Variants in PIEZO2 observed in about 807,000 individuals in gnomAD.
The protein encoded by PIEZO2 is piezo-type mechanosensitive ion channel component 2.
In PIEZO2, 172 loss-of-function variants were observed where a neutral mutation model predicts 337.3. That is an observed-to-expected ratio of 0.51 (90% CI 0.45 to 0.58). PIEZO2 has a LOEUF of 0.58. PIEZO2 is among the 20% of genes least tolerant of loss of function. The probability of loss-of-function intolerance (pLI) is 0.00; values close to 1 mark genes in which losing one functional copy is unlikely to be tolerated. For missense variants in PIEZO2, 3,028 were observed against 3,391.3 expected, an observed-to-expected ratio of 0.89 and a Z score of 2.66; for synonymous variants, 1,251 against 1,228.5, an observed-to-expected ratio of 1.02 and a Z score of -0.38.
chr18:10,741,899 A>G (rs2144160909), intron 32 of PIEZO2, among the ~76,000 whole-genome samples: 1 of 152,290 alleles, frequency 6.6e-6, no homozygotes, highest in Admixed American at 6.5e-5. Context: ...CACGCCTGTA[A>G]TCCCAGCACT....
At chr18:10,782,250 T>C (rs1191620543) in intron 17 of PIEZO2, among the ~76,000 whole-genome samples, 1 of 115,220 alleles carries the variant, frequency 8.7e-6, no homozygotes, top group Non-Finnish European at 1.7e-5. Context: ...TATTATATGA[T>C]ATATTATATT....
intron 35 of PIEZO2, among the ~76,000 whole-genome samples, chr18:10,733,774 C>T (rs976904102): frequency 2.0e-5 from 3 of 152,184 alleles, no homozygotes; most frequent in African/African-American, 4.8e-5. Flanking sequence ...TACTTTGCAC[C>T]TGCACCTGTC....
chr18:10,719,517 C>T (rs1598396668), intron 36 of PIEZO2, among the ~76,000 whole-genome samples: 1 of 152,286 alleles, frequency 6.6e-6, no homozygotes, highest in South Asian at 2.1e-4. Flanking sequence ...CTGCAGAAGA[C>T]ATGATTTCAT....
At chr18:10,703,928 T>C (rs913508658) in intron 42 of PIEZO2, among the ~76,000 whole-genome samples, 2 of 152,202 alleles carry the variant, frequency 1.3e-5, no homozygotes, top group Non-Finnish European at 2.9e-5. Context: ...TCAAACTATG[T>C]CCAAAGTGCC....
intron 13 of PIEZO2, among the ~76,000 whole-genome samples, chr18:10,793,224 C>A (rs548139452): frequency 1.9e-4 from 29 of 152,050 alleles, no homozygotes; most frequent in South Asian, 4.2e-4. Flanking sequence ...GCGCCACTGC[C>A]CTCCAGCCTG....
intron 2 of PIEZO2, among the ~76,000 whole-genome samples, chr18:11,045,253 G>A (rs1018220390): frequency 6.3e-5 from 8 of 126,322 alleles, no homozygotes; most frequent in Non-Finnish European, 1.2e-4. Flanking sequence ...TTGAGATCGC[G>A]CCACTGCACT....
chr18:10,799,314 T>C (rs564917581), intron 11 of PIEZO2, among the ~76,000 whole-genome samples: 1 of 152,352 alleles, frequency 6.6e-6, no homozygotes, highest in Non-Finnish European at 1.5e-5. Context: ...TCTGTCTTTA[T>C]GGATTGGTGA....
chr18:11,099,641 A>G lies in PIEZO2; in HGVS notation c.65-33419T>C, dbSNP rs2039354464. Among the ~76,000 whole-genome samples the G allele has an allele frequency of 6.6e-6, 1 of 152,020 alleles. No individual in the cohort carries two copies. ...GCCACCATGCCTAGCTAATTTTTGT[A>G]TTTTTAGTAGAGACAGTGTTTAACC... is the stretch of plus-strand genomic sequence containing the variant. On this transcript the variant is annotated intron_variant, in intron 1 of 55. Coordinates refer to ENST00000674853, the MANE Select transcript of PIEZO2 (RefSeq NM_001378183.1). This position sits in a 1 kb window ranked among gnomAD's most constrained non-coding sequence, Gnocchi z 5.4.
Position 10,800,200 on chromosome 18 carries a change from C to T in PIEZO2, c.1378+137G>A, listed in dbSNP as rs138139063. ...ATGCTGGGGCAAAATGCAGGCAGAA[C>T]TTAAAGAAGTGAGGTTAATGACACT... is the stretch of plus-strand genomic sequence containing the variant. On this transcript the variant is annotated intron_variant, in intron 11 of 55. Coordinates refer to ENST00000674853, the MANE Select transcript of PIEZO2 (RefSeq NM_001378183.1). 156 of 1,237,808 alleles carry T rather than the reference C, an allele frequency of 1.3e-4. 1 individual carries two copies. In the East Asian group the frequency reaches 4.2e-3, roughly 33 times the overall value. The allele number at this position is 1,237,808 out of a possible 1,614,324, so 76.7% of individuals were successfully genotyped here.
chr18:10,853,929 C>A lies in PIEZO2; in HGVS notation c.917+1424G>T, dbSNP rs1408634244. 2.0e-5 allele frequency among the ~76,000 whole-genome samples: 3 copies of A among 152,096 alleles called. No homozygotes were observed. The highest frequency in any genetic ancestry group is 2.9e-5 in the Non-Finnish European group (2 of 68,016). On this transcript the variant is annotated intron_variant, in intron 7 of 55. Transcript: ENST00000674853. The surrounding 1 kb of genome is among the most constrained non-coding windows in gnomAD (Gnocchi z 4.2). ...CATTGAAATTTCTCCAATTTAACCCCAAAAAAGTTTTAAGAATTTGTTGTT... is the reference window on the plus strand; with the variant it reads ...CATTGAAATTTCTCCAATTTAACCCAAAAAAAGTTTTAAGAATTTGTTGTT...
rs555732490 is a variant in PIEZO2 at position 10,845,192 on chromosome 18, G to A, written c.917+10161C>T. On this transcript the variant is annotated intron_variant, in intron 7 of 55. Coordinates refer to ENST00000674853, the MANE Select transcript of PIEZO2 (RefSeq NM_001378183.1). Reference sequence around the variant, plus strand: ...ATTATTATAATTTTTCCCATTGTGTGTGTGTGTGTATATATATATATAAAC... The same window carrying A: ...ATTATTATAATTTTTCCCATTGTGTATGTGTGTGTATATATATATATAAAC... Among the ~76,000 whole-genome samples, 6 of 136,684 alleles carry A rather than the reference G, an allele frequency of 4.4e-5. No homozygotes were observed. The East Asian group carries it at 1.3e-3, about 29-fold the overall frequency. 89.7% of individuals were successfully genotyped at this position (136,684 alleles called of 152,430 possible).
chr18:10,765,762 G>A (rs2038326660), intron 21 of PIEZO2, among the ~76,000 whole-genome samples: 1 of 129,182 alleles, frequency 7.7e-6, no homozygotes, highest in Non-Finnish European at 1.7e-5. Flanking sequence ...GTGAGCTCGT[G>A]AGCTCACCCA....
intron 3 of PIEZO2, among the ~76,000 whole-genome samples, chr18:10,926,304 C>T (rs1158140307): frequency 6.6e-6 from 1 of 152,214 alleles, no homozygotes; most frequent in Non-Finnish European, 1.5e-5. Flanking sequence ...AGCTTGGCAT[C>T]GCCCATGGTA....
intron 1 of PIEZO2, among the ~76,000 whole-genome samples, chr18:11,087,855 T>C (rs567685515): frequency 5.3e-5 from 8 of 152,368 alleles, no homozygotes; most frequent in Admixed American, 4.6e-4. Flanking sequence ...CTGCCTTTCC[T>C]CCTGCCACCC....
intron 15 of PIEZO2, among the ~76,000 whole-genome samples, chr18:10,788,471 G>A (rs541477222): frequency 1.5e-5 from 2 of 135,334 alleles, no homozygotes; most frequent in East Asian, 4.3e-4. Flanking sequence ...AGGAAGGAAG[G>A]AAGGAAGAAA....
At position 11,125,934 on chromosome 18, in the gene PIEZO2, G is replaced by A. The variant is rs971387969; in HGVS notation, c.64+22591C>T. On this transcript the variant is annotated intron_variant, in intron 1 of 55. Transcript: ENST00000674853. This position sits in a 1 kb window ranked among gnomAD's most constrained non-coding sequence, Gnocchi z 4.4. ...GGCAGCTCTAGTGCCCAACGGTAGA[G>A]GAAGAATGGTGCCTACCATAAGATG... 2.0e-5 allele frequency among the ~76,000 whole-genome samples: 3 copies of A among 152,356 alleles called. No individual in the cohort carries two copies.
chr18:10,761,366 C>G (rs1033062795), intron 23 of PIEZO2, among the ~76,000 whole-genome samples: 1 of 152,204 alleles, frequency 6.6e-6, no homozygotes, highest in Non-Finnish European at 1.5e-5. Flanking sequence ...ATTCCTACTT[C>G]TCACAACTAC....
At chr18:11,076,844 T>A (rs952816836) in intron 1 of PIEZO2, among the ~76,000 whole-genome samples, 7 of 152,236 alleles carry the variant, frequency 4.6e-5, no homozygotes, top group Non-Finnish European at 7.3e-5. Flanking sequence ...TGCATAATTT[T>A]AAGGAAAGAA....
At chr18:10,701,382 A>G (rs2035323895) in intron 43 of PIEZO2, among the ~76,000 whole-genome samples, 1 of 152,264 alleles carries the variant, frequency 6.6e-6, no homozygotes, top group Admixed American at 6.5e-5. Flanking sequence ...GCCATGCTGT[A>G]TAAAGGCCTT....
Sources: gnomAD v4.1 joint callset for allele counts (sites outside exome capture counted in the v4.1 genomes callset) on GRCh38, gnomAD v4.1.1 for gene constraint, Gnocchi (gnomAD v3.1) non-coding constraint, MANE v1.5 for transcripts, NCBI Gene and HGNC (gene_info 2026-07-23, HGNC 2026-07-21) for gene names.